The following PPFIA2 variants were observed in gnomAD, a reference collection of about 807,000 sequenced individuals.
PPFIA2 encodes liprin-alpha-2.
PPFIA2 carries 46 observed loss-of-function variants against 175.5 expected under a neutral mutation model. The observed-to-expected ratio is 0.26, with a 90% CI of 0.21 to 0.34. PPFIA2 has a LOEUF of 0.34. Ranked by LOEUF, PPFIA2 falls within the 10% of genes least tolerant of loss-of-function variation. PPFIA2 has a pLI of 1.00. For missense variants in PPFIA2, 1,179 were observed against 1,506.1 expected, an observed-to-expected ratio of 0.78 and a Z score of 3.60; for synonymous variants, 568 against 511.4, an observed-to-expected ratio of 1.11 and a Z score of -1.49.
At chr12:81,370,159 T>C (rs1308352699) in intron 11 of PPFIA2, among the ~76,000 whole-genome samples, 2 of 151,814 alleles carry the variant, frequency 1.3e-5, no homozygotes, top group African/African-American at 4.8e-5. Context: ...TGCTAGACAA[T>C]GACTCAGGTG....
intron 4 of PPFIA2, among the ~76,000 whole-genome samples, chr12:81,497,530 C>CTTTTTTTTTTTTTTTTTTTT (rs34030284): frequency 1.5e-5 from 1 of 66,184 alleles, no homozygotes; most frequent in African/African-American, 5.5e-5. Flanking sequence ...TCATTGATGT[C>CTTTTTTTTTTTTTTTTTTTT]TTTTTTTTTT....
At chr12:81,365,943 A>C (rs1156848825) in intron 14 of PPFIA2, among the ~76,000 whole-genome samples, 2 of 148,690 alleles carry the variant, frequency 1.3e-5, no homozygotes, top group African/African-American at 5.0e-5. Flanking sequence ...CTTTTCCAAT[A>C]CCTTCTATAT....
intron 4 of PPFIA2, among the ~76,000 whole-genome samples, chr12:81,624,434 C>T (rs1197098995): frequency 1.4e-5 from 2 of 146,220 alleles, no homozygotes; most frequent in Non-Finnish European, 3.0e-5. Flanking sequence ...TTATTATATA[C>T]ATATATTATA....
Position 81,362,737 on chromosome 12 carries a change from T to C in PPFIA2, c.1593A>G (p.Gln531=), listed in dbSNP as rs199733696. 219 of 1,547,548 alleles carry C rather than the reference T, an allele frequency of 1.4e-4. No homozygotes were observed. Among genetic ancestry groups the C allele is most frequent in the African/African-American group, 3.6e-4 (26 of 73,116 alleles). The change falls in exon 15 of 33, where the codon CAA becomes CAG. Residue 531 remains glutamine, a synonymous_variant. Transcript: ENST00000549396. The stretch of plus-strand genomic sequence containing the variant: ...TTAAAGAGCCAGTTCTCATTTTCAA[T>C]TGGTCAAGTTCAGATCTCAGCTTTT... ...EIEKLRSELD[Q]LKMRTGSLIE... is the part of the protein sequence containing the mutation.
At chr12:81,335,014 G>C (rs2056870799) in intron 21 of PPFIA2, among the ~76,000 whole-genome samples, 1 of 152,144 alleles carries the variant, frequency 6.6e-6, no homozygotes, top group Non-Finnish European at 1.5e-5. Context: ...TTCCATGTTA[G>C]TTAAGACTGC....
chr12:81,445,748 A>G (rs776959030), intron 5 of PPFIA2, 28 bp from the exon 6 acceptor site: 2 of 1,597,064 alleles, frequency 1.3e-6, no homozygotes, highest in Non-Finnish European at 1.7e-6. Context: ...AAATGCAATT[A>G]TCTTATGAAT....
At chr12:81,382,417 C>T (rs2037936366) in intron 9 of PPFIA2, among the ~76,000 whole-genome samples, 1 of 152,108 alleles carries the variant, frequency 6.6e-6, no homozygotes, top group South Asian at 2.1e-4. Flanking sequence ...AGGCAGGCTG[C>T]TCAAGCTGCT....
chr12:81,349,217 GGCAGAAAGTA>G (rs1450678736), intron 17 of PPFIA2, among the ~76,000 whole-genome samples: 1 of 152,062 alleles, frequency 6.6e-6, no homozygotes, highest in Non-Finnish European at 1.5e-5. Flanking sequence ...TTGCTGGCCA[GGCAGAAAGTA>G]CTTTGGTAGT....
intron 3 of PPFIA2, among the ~76,000 whole-genome samples, chr12:81,700,972 G>C (rs1281697130): frequency 3.3e-5 from 5 of 152,030 alleles, no homozygotes; most frequent in Non-Finnish European, 5.9e-5. Flanking sequence ...GGATTAAAAG[G>C]TTTGGAAGAT....
intron 5 of PPFIA2, among the ~76,000 whole-genome samples, chr12:81,450,062 C>T (rs2052225721): frequency 6.6e-6 from 1 of 152,034 alleles, no homozygotes; most frequent in African/African-American, 2.4e-5. Flanking sequence ...GGGTTAGTTC[C>T]AAGTCTTTGG....
rs1490514369 is a variant in PPFIA2 at position 81,758,794 on chromosome 12, G to C, written c.-110-287C>G. The C allele has an allele frequency of 6.3e-5, 10 of 158,934 alleles. No individual in the cohort carries two copies. In the East Asian group the frequency reaches 1.7e-3, roughly 26 times the overall value. The allele number at this position is 158,934 out of a possible 1,614,324, so 9.8% of individuals were successfully genotyped here. On this transcript the variant is annotated intron_variant, in intron 1 of 32. Coordinates refer to ENST00000549396, the MANE Select transcript of PPFIA2 (RefSeq NM_003625.5). ...GCTCCCCGCGTGCAGCTGGAGCCCC[G>C]GGGCGGAGACCGGAGACCGGGGACT...
Position 81,353,018 on chromosome 12 carries a change from G to T in PPFIA2, c.1994+101C>A. On this transcript the variant is annotated intron_variant, in intron 17 of 32. Coordinates refer to ENST00000549396, the MANE Select transcript of PPFIA2 (RefSeq NM_003625.5). Reference sequence around the variant, plus strand: ...GTCTGAGATTCTGCAGATCTATTAAGCTCCCAGTTAATGCTAATGCTTCTG... The same window carrying T: ...GTCTGAGATTCTGCAGATCTATTAATCTCCCAGTTAATGCTAATGCTTCTG... The T allele has an allele frequency of 9.0e-6, 9 of 996,578 alleles. 1 individual carries two copies. The South Asian group carries it at 1.1e-4, about 12-fold the overall frequency. 61.7% of individuals were successfully genotyped at this position (996,578 alleles called of 1,614,324 possible).
At chr12:81,612,239 C>T (rs1303799469) in intron 4 of PPFIA2, among the ~76,000 whole-genome samples, 1 of 152,174 alleles carries the variant, frequency 6.6e-6, no homozygotes, top group Non-Finnish European at 1.5e-5. Flanking sequence ...AGACAATCCA[C>T]AGCTGGCTAT....
chr12:81,630,685 A>C (rs2063272445), intron 4 of PPFIA2, among the ~76,000 whole-genome samples: 1 of 152,038 alleles, frequency 6.6e-6, no homozygotes, highest in South Asian at 2.1e-4. Context: ...AGACCAAAAA[A>C]CTTCAGAAAC....
At position 81,294,909 on chromosome 12, in the gene PPFIA2, G is replaced by A; in HGVS notation, c.2851C>T (p.Arg951Cys). 1 of 1,613,532 alleles carries A rather than the reference G, an allele frequency of 6.2e-7. No homozygotes were observed. Among genetic ancestry groups the A allele is most frequent in the East Asian group, 2.2e-5 (1 of 44,844 alleles). The change falls in exon 24 of 33, where the codon CGC (arginine) becomes TGC (cysteine). Residue 951 changes from arginine to cysteine, a missense_variant. Coordinates refer to ENST00000549396, the MANE Select transcript of PPFIA2 (RefSeq NM_003625.5). Reference sequence around the variant, plus strand: ...TGGATTGCTAATCGAAGTTTTAAGCGATGCAGTGGATTGCTGATTCCAATT... The same window carrying A: ...TGGATTGCTAATCGAAGTTTTAAGCAATGCAGTGGATTGCTGATTCCAATT... ...REIGISNPLH[R>C]LKLRLAIQEM...
intron 3 of PPFIA2, among the ~76,000 whole-genome samples, chr12:81,704,579 C>T (rs1171126462): frequency 6.6e-6 from 1 of 151,906 alleles, no homozygotes; most frequent in Non-Finnish European, 1.5e-5. Flanking sequence ...AGAAAGGGAG[C>T]ATCAATGAGA....
chr12:81,304,758 T>G (rs761212901), intron 22 of PPFIA2, among the ~76,000 whole-genome samples: 1 of 152,050 alleles, frequency 6.6e-6, no homozygotes, highest in Non-Finnish European at 1.5e-5. Flanking sequence ...AAGATGAAAT[T>G]GGAGACGTAG....
intron 17 of PPFIA2, among the ~76,000 whole-genome samples, chr12:81,348,160 A>G (rs966268883): frequency 3.9e-5 from 6 of 152,168 alleles, no homozygotes; most frequent in Non-Finnish European, 8.8e-5. Flanking sequence ...TGAGATGGCA[A>G]AGGACTAGCA....
At chr12:81,351,264 AAATAT>A (rs1349263574) in intron 17 of PPFIA2, among the ~76,000 whole-genome samples, 1 of 152,110 alleles carries the variant, frequency 6.6e-6, no homozygotes, top group Non-Finnish European at 1.5e-5. Context: ...TTTGAAATGA[AAATAT>A]AATAAAGATA....
Sources: gnomAD v4.1 joint callset for allele counts (sites outside exome capture counted in the v4.1 genomes callset) on GRCh38, gnomAD v4.1.1 for gene constraint, MANE v1.5 for transcripts, NCBI Gene and HGNC (gene_info 2026-07-23, HGNC 2026-07-21) for gene names.